Variants in DLGAP1 observed in about 807,000 individuals in gnomAD.
DLGAP1 encodes the protein disks large-associated protein 1.
Under a neutral mutation model 90.8 loss-of-function variants are expected in DLGAP1, and 11 were observed. That is an observed-to-expected ratio of 0.12 (90% CI 0.08 to 0.20). The LOEUF (loss-of-function observed/expected upper bound fraction) is 0.20, where lower values mean the gene tolerates loss of function less well. DLGAP1 is among the 10% of genes least tolerant of loss of function. DLGAP1 has a pLI of 1.00. For missense variants in DLGAP1, 1,050 were observed against 1,333.8 expected (o/e 0.79, Z 3.31); for synonymous variants, 558 against 540.7 (o/e 1.03, Z -0.44).
At chr18:3,559,936 A>G (rs915940280) in intron 9 of DLGAP1, among the ~76,000 whole-genome samples, 12 of 152,016 alleles carry the variant, frequency 7.9e-5, no homozygotes, top group Non-Finnish European at 1.8e-4. Context: ...CCACTTTCAT[A>G]TAACACTATG....
chr18:3,586,732 C>T (rs1446255298), intron 7 of DLGAP1, among the ~76,000 whole-genome samples: 1 of 152,194 alleles, frequency 6.6e-6, no homozygotes, highest in Non-Finnish European at 1.5e-5. Flanking sequence ...ACTCATACAA[C>T]GAAATCCTTC....
At chr18:4,193,490 GA>G (rs896344247) in intron 1 of DLGAP1, among the ~76,000 whole-genome samples, 11 of 151,934 alleles carry the variant, frequency 7.2e-5, no homozygotes, top group Non-Finnish European at 1.3e-4. Context: ...AGCTTTGGGG[GA>G]AAAAAACAGT....
intron 7 of DLGAP1, among the ~76,000 whole-genome samples, chr18:3,589,318 C>T (rs1034486004): frequency 1.2e-4 from 18 of 152,226 alleles, no homozygotes; most frequent in African/African-American, 4.3e-4. Context: ...TCTGGTTATC[C>T]TTCAAGTTTA....
chr18:4,179,822 A>G (rs73371006), intron 1 of DLGAP1, among the ~76,000 whole-genome samples: 3,258 of 152,266 alleles, frequency 0.021, 124 homozygotes, highest in African/African-American at 0.073. Flanking sequence ...CTCAACACTT[A>G]TCGAGCCATT....
At chr18:4,121,996 A>C (rs928985025) in intron 2 of DLGAP1, among the ~76,000 whole-genome samples, 1 of 152,156 alleles carries the variant, frequency 6.6e-6, no homozygotes, top group Non-Finnish European at 1.5e-5. Context: ...CAAAACTGGG[A>C]GTTGAACCAA....
chr18:3,976,222 G>GTAATAATA (rs1568329962), intron 3 of DLGAP1, among the ~76,000 whole-genome samples: 8 of 123,996 alleles, frequency 6.5e-5, no homozygotes, highest in African/African-American at 1.9e-4. Flanking sequence ...TAATAATAAC[G>GTAATAATA]ATAATTAGCC....
At chr18:4,147,931 C>T (rs1419334981) in intron 2 of DLGAP1, among the ~76,000 whole-genome samples, 1 of 152,198 alleles carries the variant, frequency 6.6e-6, no homozygotes. Flanking sequence ...AGATCAGCAT[C>T]ATCTGGGAAC....
chr18:3,525,909 C>G (rs35149534), intron 10 of DLGAP1, among the ~76,000 whole-genome samples: 39,018 of 152,066 alleles, frequency 0.26, 5,220 homozygotes, highest in Non-Finnish European at 0.3. Flanking sequence ...CTGGGAGACA[C>G]CACCCTCAAG....
At chr18:3,960,188 G>GCT (rs1275511197) in intron 3 of DLGAP1, among the ~76,000 whole-genome samples, 1 of 152,162 alleles carries the variant, frequency 6.6e-6, no homozygotes, top group Non-Finnish European at 1.5e-5. Context: ...TCCCTGATCA[G>GCT]CTCTTTAAAT....
chr18:3,711,631 G>A lies in DLGAP1; in HGVS notation c.1591+17504C>T, dbSNP rs1598424811. 6.6e-6 allele frequency among the ~76,000 whole-genome samples: 1 copy of A among 152,126 alleles called. No homozygotes were observed. The highest frequency in any genetic ancestry group is 2.1e-4 in the South Asian group (1 of 4,814). ...AGGCAGGAGGATCACTTGAGCCCAG[G>A]AGTCTGAGACCAGCCTGGGCAACAC... On this transcript the variant is annotated intron_variant, in intron 7 of 12. Coordinates refer to ENST00000315677, the MANE Select transcript of DLGAP1 (RefSeq NM_004746.4). This position sits in a 1 kb window ranked among gnomAD's most constrained non-coding sequence, Gnocchi z 4.0.
At chr18:3,820,314 C>T (rs2067339794) in intron 4 of DLGAP1, among the ~76,000 whole-genome samples, 1 of 152,152 alleles carries the variant, frequency 6.6e-6, no homozygotes. Context: ...GTGAGCTATT[C>T]TGGGTTGCAG....
intron 3 of DLGAP1, among the ~76,000 whole-genome samples, chr18:3,902,374 G>A (rs939863237): frequency 2.0e-5 from 3 of 152,134 alleles, no homozygotes; most frequent in African/African-American, 4.8e-5. Flanking sequence ...AAACTATTAA[G>A]TTAAAATACA....
At chr18:3,916,372 T>C (rs2072144721) in intron 3 of DLGAP1, among the ~76,000 whole-genome samples, 1 of 152,120 alleles carries the variant, frequency 6.6e-6, no homozygotes, top group Non-Finnish European at 1.5e-5. Context: ...GATAACACTT[T>C]CCACAGGGAA....
chr18:3,731,744 C>A (rs1307785078), intron 6 of DLGAP1, among the ~76,000 whole-genome samples: 1 of 152,082 alleles, frequency 6.6e-6, no homozygotes, highest in African/African-American at 2.4e-5. Flanking sequence ...TCTTCATTCC[C>A]TTTTATCCTT....
At chr18:4,284,786 T>C (rs910864458) in intron 1 of DLGAP1, among the ~76,000 whole-genome samples, 1 of 152,156 alleles carries the variant, frequency 6.6e-6, no homozygotes, top group Non-Finnish European at 1.5e-5. Context: ...ATTGTATGCA[T>C]GGCTATCAAA....
At chr18:4,192,275 G>A (rs899253417) in intron 1 of DLGAP1, among the ~76,000 whole-genome samples, 4 of 152,088 alleles carry the variant, frequency 2.6e-5, no homozygotes, top group Non-Finnish European at 2.9e-5. Flanking sequence ...AGTGCCTGAT[G>A]AGCCAGTTGA....
intron 3 of DLGAP1, among the ~76,000 whole-genome samples, chr18:3,887,627 A>C (rs888892113): frequency 1.3e-5 from 2 of 152,194 alleles, no homozygotes; most frequent in Admixed American, 6.5e-5. Flanking sequence ...CAGTCTGAAC[A>C]CATACATGAC....
chr18:3,770,824 T>A (rs2148004920), intron 5 of DLGAP1: 1 of 152,286 alleles, frequency 6.6e-6, no homozygotes, highest in East Asian at 1.9e-4. Context: ...CTAAATCAAT[T>A]AGGTACAAAG....
rs75454427 is a variant in DLGAP1 at position 3,509,736 on chromosome 18, C to T, written c.2480-1075G>A. Among the ~76,000 whole-genome samples, 11 of 152,358 alleles carry T rather than the reference C, an allele frequency of 7.2e-5. No individual in the cohort carries two copies. The East Asian group carries it at 1.3e-3, about 19-fold the overall frequency. On this transcript the variant is annotated intron_variant, in intron 10 of 12. Coordinates refer to ENST00000315677, the MANE Select transcript of DLGAP1 (RefSeq NM_004746.4). ...GCCTTTCTCAACCTCATTCCCCACA[C>T]ATTCTGAGCGACGGAAACTGAAGAA...
Sources: gnomAD v4.1 joint callset for allele counts (sites outside exome capture counted in the v4.1 genomes callset) on GRCh38, gnomAD v4.1.1 for gene constraint, Gnocchi (gnomAD v3.1) non-coding constraint, MANE v1.5 for transcripts, NCBI Gene and HGNC (gene_info 2026-07-23, HGNC 2026-07-21) for gene names.